The following STEAP3 variants were observed in gnomAD, a reference collection of about 807,000 sequenced individuals.
The protein encoded by STEAP3 is metalloreductase STEAP3.
In STEAP3, 35 loss-of-function variants were observed where a neutral mutation model predicts 34.9. The observed-to-expected ratio is 1.00, with a 90% CI of 0.76 to 1.33. STEAP3 has a LOEUF of 1.33. STEAP3 is among the 40% of genes most tolerant of loss of function. The pLI is 0.00. For synonymous variants in STEAP3, 281 were observed against 301.6 expected, an observed-to-expected ratio of 0.93 and a Z score of 0.71; for missense variants, 652 against 667.6, an observed-to-expected ratio of 0.98 and a Z score of 0.26.
intron 2 of STEAP3, among the ~76,000 whole-genome samples, chr2:119,232,142 A>G (rs2104794221): frequency 6.6e-6 from 1 of 152,282 alleles, no homozygotes; most frequent in South Asian, 2.1e-4. Flanking sequence ...AGCAGAAGAC[A>G]CCAGAGTCTG....
chr2:119,242,537 G>A (rs1573553596), intron 2 of STEAP3, among the ~76,000 whole-genome samples: 1 of 152,334 alleles, frequency 6.6e-6, no homozygotes, highest in East Asian at 1.9e-4. Flanking sequence ...CTTCCCCGGG[G>A]CTGAAGGGGT....
chr2:119,228,526 C>T (rs1416444162), intron 1 of STEAP3, among the ~76,000 whole-genome samples: 2 of 152,194 alleles, frequency 1.3e-5, no homozygotes, highest in African/African-American at 4.8e-5. Flanking sequence ...GACCCTCTGG[C>T]CCTTGGAGAT....
rs551527996 is a variant in STEAP3, at chr2:119,240,361, C to G, written c.23-5128C>G. On this transcript the variant is annotated intron_variant, in intron 2 of 5. Transcript: ENST00000393110. ...CCCCGTTCTTGGCCTGCAGGCCGCC[C>G]CCACTCCATCTGGCTGCAGGGTGCC... 1.3e-5 allele frequency among the ~76,000 whole-genome samples: 2 copies of G among 152,380 alleles called. 1 individual carries two copies. Among genetic ancestry groups the G allele is most frequent in the Non-Finnish European group, 2.9e-5 (2 of 68,038 alleles).
intron 2 of STEAP3, among the ~76,000 whole-genome samples, chr2:119,232,596 ACTT>A (rs1358500055): frequency 3.9e-5 from 6 of 151,994 alleles, no homozygotes; most frequent in African/African-American, 1.5e-4. Context: ...TTCCCTGAAA[ACTT>A]CTTATTTGCA....
intron 5 of STEAP3, among the ~76,000 whole-genome samples, chr2:119,260,252 A>T (rs1677900057): frequency 6.6e-6 from 1 of 151,104 alleles, no homozygotes; most frequent in Non-Finnish European, 1.5e-5. Context: ...ACAGTTAGTT[A>T]GGGCTGGGCA....
Position 119,263,163 on chromosome 2 carries a change from C to G in STEAP3, c.1322C>G (p.Thr441Ser). Reference sequence around the variant, plus strand: ...CGCTACAAGTTCTACCTGCCTCCCACCTTCACGCTCACGCTGCTGGTGCCC... The same window carrying G: ...CGCTACAAGTTCTACCTGCCTCCCAGCTTCACGCTCACGCTGCTGGTGCCC... ...ESRYKFYLPP[T>S]FTLTLLVPCV... Residue 441 changes from threonine (T) to serine (S), a missense_variant, in exon 6 of 6, where the codon ACC becomes AGC. Physicochemically the swap from Thr to Ser is moderately conservative, Grantham distance 58. Coordinates refer to ENST00000393110, the MANE Select transcript of STEAP3 (RefSeq NM_182915.3). 6.2e-7 allele frequency: 1 copy of G among 1,614,190 alleles called. No homozygotes were observed. The highest frequency in any genetic ancestry group is 1.1e-5 in the South Asian group (1 of 91,086).
At chr2:119,261,068 T>G (rs1277117961) in intron 5 of STEAP3, among the ~76,000 whole-genome samples, 1 of 152,194 alleles carries the variant, frequency 6.6e-6, no homozygotes, top group African/African-American at 2.4e-5. Flanking sequence ...GCAAAAGCTT[T>G]ACAAGCAATT....
chr2:119,225,608 AC>A (rs1321717681), intron 1 of STEAP3, among the ~76,000 whole-genome samples: 2 of 152,198 alleles, frequency 1.3e-5, no homozygotes, highest in Non-Finnish European at 2.9e-5. Context: ...CCCTTCTTGG[AC>A]TTATCAGAGA....
chr2:119,255,370 T>G (rs1025331983), intron 5 of STEAP3, among the ~76,000 whole-genome samples: 2 of 152,126 alleles, frequency 1.3e-5, no homozygotes, highest in Admixed American at 1.3e-4. Flanking sequence ...TTATAGGGGA[T>G]GCGACACAGC....
intron 2 of STEAP3, among the ~76,000 whole-genome samples, chr2:119,242,552 G>A (rs1677279738): frequency 6.6e-6 from 1 of 152,212 alleles, no homozygotes; most frequent in African/African-American, 2.4e-5. Flanking sequence ...AGGGGTGCCT[G>A]CAGGGTCTTC....
intron 5 of STEAP3, among the ~76,000 whole-genome samples, chr2:119,256,174 T>C (rs1180013765): frequency 6.6e-6 from 1 of 152,122 alleles, no homozygotes; most frequent in African/African-American, 2.4e-5. Context: ...TCTTACGTAA[T>C]CCAAATTAAT....
chr2:119,249,976 C>G (rs754468108), intron 4 of STEAP3, among the ~76,000 whole-genome samples: 24 of 152,302 alleles, frequency 1.6e-4, no homozygotes, highest in Middle Eastern at 3.4e-3. Context: ...CATTTAACCC[C>G]ATCTCATCCC....
In STEAP3 at chr2:119,241,065, T is replaced by TGC. The variant is rs540743870; in HGVS notation, c.23-4423_23-4422dup. On this transcript the variant is annotated intron_variant, in intron 2 of 5. Transcript: ENST00000393110. ...CACATGCACACAAGAATAGGACACGTGCACACACACACACACATGCATACA... is the reference window on the plus strand; with the variant it reads ...CACATGCACACAAGAATAGGACACGTGCGCACACACACACACACATGCATACA... 5.0e-3 allele frequency among the ~76,000 whole-genome samples: 730 copies of TGC among 144,722 alleles called. 5 individuals are homozygous for TGC. Among genetic ancestry groups the TGC allele is most frequent in the South Asian group, 0.018 (85 of 4,724 alleles). 94.9% of individuals were successfully genotyped at this position (144,722 alleles called of 152,430 possible). A position where few individuals can be genotyped will look rare whatever the true frequency, so the allele number is the denominator to read the frequency against.
At chr2:119,251,281 C>A (rs1677618694) in intron 4 of STEAP3, among the ~76,000 whole-genome samples, 1 of 152,194 alleles carries the variant, frequency 6.6e-6, no homozygotes, top group South Asian at 2.1e-4. Context: ...GTCAAGGGAG[C>A]ACATTAGTCT....
chr2:119,255,167 C>T (rs913592016), intron 5 of STEAP3, among the ~76,000 whole-genome samples: 25 of 152,150 alleles, frequency 1.6e-4, no homozygotes, highest in African/African-American at 6.0e-4. Context: ...AATTGAATGA[C>T]ATGAAGTCAT....
intron 5 of STEAP3, among the ~76,000 whole-genome samples, chr2:119,260,196 C>CTTA (rs1220514441): frequency 2.1e-3 from 323 of 151,988 alleles, no homozygotes; most frequent in Non-Finnish European, 2.9e-3. Flanking sequence ...ACCCAGCCAT[C>CTTA]TTGGCAACAC....
chr2:119,240,660 C>T (rs1487855310), intron 2 of STEAP3, among the ~76,000 whole-genome samples: 1 of 152,236 alleles, frequency 6.6e-6, no homozygotes, highest in Non-Finnish European at 1.5e-5. Flanking sequence ...AGGGGACAGA[C>T]AAGCCTGGGC....
intron 4 of STEAP3, among the ~76,000 whole-genome samples, chr2:119,251,355 T>G (rs1175867726): frequency 6.6e-6 from 1 of 152,168 alleles, no homozygotes; most frequent in Non-Finnish European, 1.5e-5. Context: ...GAGGCAAAGG[T>G]GTATGCCAGC....
At chr2:119,240,152 C>T (rs879394765) in intron 2 of STEAP3, among the ~76,000 whole-genome samples, 77 of 152,190 alleles carry the variant, frequency 5.1e-4, no homozygotes, top group Non-Finnish European at 9.0e-4. Flanking sequence ...TGCAGTGAGT[C>T]GAGATCGCGC....
Sources: allele counts gnomAD v4.1 joint callset (sites outside exome capture counted in the v4.1 genomes callset), GRCh38; gene constraint gnomAD v4.1.1; transcripts MANE v1.5; gene names NCBI Gene and HGNC (gene_info 2026-07-23, HGNC 2026-07-21).